Variants in BCKDHB observed in about 807,000 individuals in gnomAD.
BCKDHB encodes the protein 2-oxoisovalerate dehydrogenase subunit beta, mitochondrial.
A neutral mutation model predicts 48.5 loss-of-function variants in BCKDHB; 41 were observed. The ratio of observed to expected loss-of-function variants is 0.85; its 90% CI spans 0.66 to 1.10. The LOEUF is 1.10. Among genes scored for constraint, BCKDHB ranks in the 50% least tolerant of loss-of-function variants. The probability of loss-of-function intolerance (pLI) is 0.00; values close to 1 mark genes in which losing one functional copy is unlikely to be tolerated. For synonymous variants in BCKDHB, 201 were observed against 174.8 expected (o/e 1.15, Z -1.18); for missense variants, 496 against 494.2 (o/e 1.00, Z -0.03).
intron 8 of BCKDHB, among the ~76,000 whole-genome samples, chr6:80,230,022 GGTT>G (rs1398923305): frequency 0.012 from 1,209 of 104,270 alleles, 62 homozygotes; most frequent in East Asian, 0.058. Context: ...GGGGTTTTTA[GGTT>G]GTTTTTTTTT....
the BCKDHB span, among the ~76,000 whole-genome samples, chr6:80,410,939 A>C: frequency 1.1e-4 from 16 of 152,152 alleles, no homozygotes; most frequent in Admixed American, 1.0e-3. Context: ...TCTGAAGCCT[A>C]CTTCTGTCAA....
intron 9 of BCKDHB, among the ~76,000 whole-genome samples, chr6:80,294,168 C>T (rs144753084): frequency 0.012 from 1,892 of 152,260 alleles, 31 homozygotes; most frequent in African/African-American, 0.043. Flanking sequence ...ATGGAGGGAC[C>T]GGCTGGAGCT....
chr6:80,227,323 C>T (rs1344535252), intron 8 of BCKDHB, among the ~76,000 whole-genome samples: 1 of 152,176 alleles, frequency 6.6e-6, no homozygotes, highest in Non-Finnish European at 1.5e-5. Flanking sequence ...ATTGTTTAGT[C>T]ACTTAAACCC....
At chr6:80,167,590 C>G (rs73479950) in intron 3 of BCKDHB, 88 bp from the exon 4 acceptor site, 5 of 1,317,956 alleles carry the variant, frequency 3.8e-6, no homozygotes, top group Non-Finnish European at 5.4e-6. Context: ...TTCTCCATCC[C>G]ATTATTAGTT....
intron 8 of BCKDHB, among the ~76,000 whole-genome samples, chr6:80,240,450 A>G (rs1776333790): frequency 6.6e-6 from 1 of 152,166 alleles, no homozygotes; most frequent in African/African-American, 2.4e-5. Context: ...GAGTTCACTC[A>G]TGATTTGGCT....
intron 9 of BCKDHB, among the ~76,000 whole-genome samples, chr6:80,285,918 T>C (rs148486332): frequency 1.3e-5 from 2 of 152,246 alleles, no homozygotes; most frequent in East Asian, 1.9e-4. Context: ...GTGGATCTTC[T>C]GTCAGTATAA....
chr6:80,237,246 A>AT (rs923748025), intron 8 of BCKDHB, among the ~76,000 whole-genome samples: 1 of 152,110 alleles, frequency 6.6e-6, no homozygotes, highest in Non-Finnish European at 1.5e-5. Context: ...AATAATGAGC[A>AT]TTTTTCTATC....
At chr6:80,125,043 C>T (rs1486869953) in intron 1 of BCKDHB, among the ~76,000 whole-genome samples, 1 of 152,164 alleles carries the variant, frequency 6.6e-6, no homozygotes, top group Non-Finnish European at 1.5e-5. Flanking sequence ...TAGCATCTTC[C>T]AATAGAAGCT....
At chr6:80,162,777 G>C (rs944458226) in intron 3 of BCKDHB, among the ~76,000 whole-genome samples, 1 of 152,160 alleles carries the variant, frequency 6.6e-6, no homozygotes, top group African/African-American at 2.4e-5. Flanking sequence ...CTTGAACCCA[G>C]GAGGTAGAGG....
chr6:80,207,760 C>T (rs1254361562), intron 8 of BCKDHB, among the ~76,000 whole-genome samples: 1 of 151,692 alleles, frequency 6.6e-6, no homozygotes, highest in Non-Finnish European at 1.5e-5. Flanking sequence ...TGAAAAGGAG[C>T]ATTTCATTAT....
Position 80,149,161 on chromosome 6 carries a change from G to A in BCKDHB, c.344-18517G>A, listed in dbSNP as rs557070443. On this transcript the variant is annotated intron_variant, in intron 3 of 9. Coordinates refer to ENST00000320393, the MANE Select transcript of BCKDHB (RefSeq NM_183050.4). ...CAACCCCATCAAAAAGTGGGCGAAG[G>A]ACATGAACAGACACTTCTCAAAAGA... is the stretch of plus-strand genomic sequence containing the variant. Among the ~76,000 whole-genome samples the A allele has an allele frequency of 1.3e-3, 203 of 152,216 alleles. 1 individual carries two copies. Among genetic ancestry groups the A allele is most frequent in the Non-Finnish European group, 1.9e-3 (128 of 68,016 alleles).
At chr6:80,217,557 T>A (rs946170554) in intron 8 of BCKDHB, among the ~76,000 whole-genome samples, 4 of 152,146 alleles carry the variant, frequency 2.6e-5, no homozygotes, top group African/African-American at 9.7e-5. Context: ...ATTCAAGCAA[T>A]CCATTAACAT....
At chr6:80,419,994 CT>C in the BCKDHB span, among the ~76,000 whole-genome samples, 1 of 151,964 alleles carries the variant, frequency 6.6e-6, no homozygotes, top group East Asian at 1.9e-4. Context: ...CTATTTGGTT[CT>C]TTTTTATAGC....
At chr6:80,216,221 G>C (rs1775164823) in intron 8 of BCKDHB, among the ~76,000 whole-genome samples, 1 of 152,150 alleles carries the variant, frequency 6.6e-6, no homozygotes, top group Non-Finnish European at 1.5e-5. Context: ...ACAGCCAGTG[G>C]GGGACAGCAC....
chr6:80,167,631 A>C (rs757318276), intron 3 of BCKDHB, 47 bp from the exon 4 acceptor site: 5 of 1,529,072 alleles, frequency 3.3e-6, no homozygotes, highest in Non-Finnish European at 4.5e-6. Flanking sequence ...TATGCATGAC[A>C]TTACTCTCAT....
intron 9 of BCKDHB, chr6:80,307,407 C>T: frequency 2.0e-6 from 2 of 982,432 alleles, no homozygotes; most frequent in Non-Finnish European, 2.4e-6. Context: ...GAACTGTATC[C>T]AATATTAAAT....
intron 6 of BCKDHB, among the ~76,000 whole-genome samples, chr6:80,188,321 G>A (rs181670388): frequency 2.6e-5 from 4 of 152,272 alleles, no homozygotes; most frequent in African/African-American, 7.2e-5. Context: ...AGTACACACA[G>A]AAAAGAGAAC....
At chr6:80,374,321 C>A in the BCKDHB span, 4 of 953,896 alleles carry the variant, frequency 4.2e-6, no homozygotes, top group Non-Finnish European at 6.8e-6. Flanking sequence ...TCTTTTTGGG[C>A]CACCAACCTT....
At chr6:80,269,881 G>T (rs1274346582) in intron 8 of BCKDHB, among the ~76,000 whole-genome samples, 1 of 151,976 alleles carries the variant, frequency 6.6e-6, no homozygotes, top group Non-Finnish European at 1.5e-5. Context: ...ACATCAAAAT[G>T]CTAAATATGG....
Sources: gnomAD v4.1 joint callset for allele counts (sites outside exome capture counted in the v4.1 genomes callset) on GRCh38, gnomAD v4.1.1 for gene constraint, MANE v1.5 for transcripts, NCBI Gene and HGNC (gene_info 2026-07-23, HGNC 2026-07-21) for gene names.